Variants in FANCC observed in about 807,000 individuals in gnomAD.
FANCC encodes the protein FA complementation group C.
FANCC carries 55 observed loss-of-function variants against 71.3 expected under a neutral mutation model. That is an observed-to-expected ratio of 0.77 (90% CI 0.62 to 0.97). FANCC has a LOEUF of 0.97. FANCC is among the 50% of genes least tolerant of loss of function. The probability of loss-of-function intolerance (pLI) is 0.00; values close to 1 mark genes in which losing one functional copy is unlikely to be tolerated. For missense variants in FANCC, 678 were observed against 670.9 expected (o/e 1.01, Z -0.12); for synonymous variants, 275 against 244.9 (o/e 1.12, Z -1.15).
intron 4 of FANCC, among the ~76,000 whole-genome samples, chr9:95,230,971 T>C (rs1238133100): frequency 1.3e-5 from 2 of 152,196 alleles, no homozygotes; most frequent in Non-Finnish European, 2.9e-5. Flanking sequence ...TTTAGCTACA[T>C]ACAGAGCACC....
chr9:95,155,269 GGAAAGGGGAGGGGAAGGAAGGGGACGGA>G (rs1830396692), intron 6 of FANCC, among the ~76,000 whole-genome samples: 1 of 68,472 alleles, frequency 1.5e-5, no homozygotes, highest in Non-Finnish European at 2.9e-5. Context: ...GGGGAGGGGA[GGAAAGGGGAGGGGAAGGAAGGGGACGGA>G]AGGGGAGAGG....
chr9:95,240,883 C>T (rs767686731), intron 3 of FANCC, 140 bp from the exon 4 acceptor site: 34 of 642,152 alleles, frequency 5.3e-5, no homozygotes, highest in Admixed American at 7.6e-5. Context: ...TTTGCTTTCT[C>T]GCCATCATAC....
intron 1 of FANCC, among the ~76,000 whole-genome samples, chr9:95,306,535 A>C (rs1835078572): frequency 6.6e-6 from 1 of 152,216 alleles, no homozygotes; most frequent in South Asian, 2.1e-4. Flanking sequence ...AGAGCACCAG[A>C]CAGGAGTTAG....
At chr9:95,109,724 G>A (rs926121894) in intron 13 of FANCC, 25 of 152,146 alleles carry the variant, frequency 1.6e-4, no homozygotes, top group African/African-American at 5.6e-4. Context: ...CACACGATGC[G>A]GGGATACGCC....
intron 1 of FANCC, among the ~76,000 whole-genome samples, chr9:95,298,389 G>A (rs933457502): frequency 6.6e-6 from 1 of 152,158 alleles, no homozygotes; most frequent in Admixed American, 6.5e-5. Context: ...GAGACCTGGG[G>A]CATCTAAATG....
chr9:95,175,909 G>A (rs932419316), intron 4 of FANCC, among the ~76,000 whole-genome samples: 2 of 152,252 alleles, frequency 1.3e-5, no homozygotes, highest in African/African-American at 4.8e-5. Flanking sequence ...GGTTTGGAAA[G>A]TAGGTGGGCT....
intron 4 of FANCC, among the ~76,000 whole-genome samples, chr9:95,228,818 AG>A (rs1275221065): frequency 1.3e-5 from 2 of 152,114 alleles, no homozygotes; most frequent in African/African-American, 4.8e-5. Flanking sequence ...CCCAGGAAGG[AG>A]TTGCTGGGCA....
At chr9:95,115,607 A>G (rs899154788) in intron 11 of FANCC, among the ~76,000 whole-genome samples, 1 of 152,350 alleles carries the variant, frequency 6.6e-6, no homozygotes, top group East Asian at 1.9e-4. Flanking sequence ...ACAGCTGAGC[A>G]GCACGTATCT....
At chr9:95,109,240 A>AGAAT (rs1182240244) in intron 13 of FANCC, among the ~76,000 whole-genome samples, 2 of 152,242 alleles carry the variant, frequency 1.3e-5, no homozygotes, top group African/African-American at 2.4e-5. Context: ...GGTATGTAAC[A>AGAAT]GAATGCTATT....
chr9:95,300,847 G>A (rs1181361603), intron 1 of FANCC, among the ~76,000 whole-genome samples: 3 of 152,106 alleles, frequency 2.0e-5, no homozygotes, highest in African/African-American at 7.2e-5. Context: ...CAGCGACTGG[G>A]GGCTGGAAAG....
In FANCC at chr9:95,172,313, T is replaced by C. The variant is rs543820383; in HGVS notation, c.346-166A>G. Among the ~76,000 whole-genome samples the C allele has an allele frequency of 5.3e-5, 8 of 152,284 alleles. No individual in the cohort carries two copies. The East Asian group carries it at 1.5e-3, about 29-fold the overall frequency. On this transcript the variant is annotated intron_variant, in intron 4 of 14. Coordinates refer to ENST00000289081, the MANE Select transcript of FANCC (RefSeq NM_000136.3). ...TTTGATTCAAAGTGTAAAAGAGAAATGTTAGCATTAAAGTTAACACATTAA... is the reference window on the plus strand; with the variant it reads ...TTTGATTCAAAGTGTAAAAGAGAAACGTTAGCATTAAAGTTAACACATTAA...
rs1285040610 is a variant in FANCC, at chr9:95,225,759, TAAAAC to T, written c.345+14885_345+14889del. On this transcript the variant is annotated intron_variant, in intron 4 of 14. Coordinates refer to ENST00000289081, the MANE Select transcript of FANCC (RefSeq NM_000136.3). Reference sequence around the variant, plus strand: ...TGTAAATAAAATGAAAAAAACAAAATAAAACAAAACTTCCAAACAAAATTAAAACC... The same window carrying T: ...TGTAAATAAAATGAAAAAAACAAAATAAAACTTCCAAACAAAATTAAAACC... Among the ~76,000 whole-genome samples, 4 of 151,962 alleles carry T rather than the reference TAAAAC, an allele frequency of 2.6e-5. No individual in the cohort carries two copies. The East Asian group carries it at 5.8e-4, about 22-fold the overall frequency.
intron 6 of FANCC, among the ~76,000 whole-genome samples, chr9:95,159,950 G>A (rs2135508100): frequency 6.6e-6 from 1 of 152,228 alleles, no homozygotes; most frequent in South Asian, 2.1e-4. Context: ...TGGCTAGATT[G>A]CAAAAATTTT....
chr9:95,202,429 C>G (rs1199082994), intron 4 of FANCC, among the ~76,000 whole-genome samples: 1 of 151,908 alleles, frequency 6.6e-6, no homozygotes, highest in African/African-American at 2.4e-5. Flanking sequence ...AGGAGTGAGG[C>G]AGCAGAACTG....
intron 6 of FANCC, among the ~76,000 whole-genome samples, chr9:95,162,670 G>T (rs1176444739): frequency 6.6e-6 from 1 of 152,058 alleles, no homozygotes; most frequent in Admixed American, 6.6e-5. Context: ...GTGTGAACTG[G>T]TATCTTATTA....
At chr9:95,191,556 C>T (rs1344911130) in intron 4 of FANCC, among the ~76,000 whole-genome samples, 1 of 152,024 alleles carries the variant, frequency 6.6e-6, no homozygotes, top group Non-Finnish European at 1.5e-5. Flanking sequence ...GCCATCTCTC[C>T]TATGCTCCAG....
intron 4 of FANCC, among the ~76,000 whole-genome samples, chr9:95,201,100 G>A (rs1460419236): frequency 6.6e-6 from 1 of 152,112 alleles, no homozygotes; most frequent in Admixed American, 6.5e-5. Flanking sequence ...ATTAACAAAA[G>A]AGAACATTTT....
intron 4 of FANCC, among the ~76,000 whole-genome samples, chr9:95,176,100 C>T (rs577373174): frequency 6.6e-6 from 1 of 152,334 alleles, no homozygotes; most frequent in East Asian, 1.9e-4. Flanking sequence ...CAAATAGCAA[C>T]TCATTTAATC....
chr9:95,224,531 T>A (rs1829489645), intron 4 of FANCC, among the ~76,000 whole-genome samples: 1 of 151,988 alleles, frequency 6.6e-6, no homozygotes, highest in African/African-American at 2.4e-5. Context: ...AAATTTATCA[T>A]CTTAATCATT....
Sources: gnomAD v4.1 joint callset for allele counts (sites outside exome capture counted in the v4.1 genomes callset) on GRCh38, gnomAD v4.1.1 for gene constraint, MANE v1.5 for transcripts, NCBI Gene and HGNC (gene_info 2026-07-23, HGNC 2026-07-21) for gene names.